Variants in PBX1 observed in about 807,000 individuals in gnomAD.
PBX1 encodes PBX homeobox 1.
Under a neutral mutation model 53.4 loss-of-function variants are expected in PBX1, and 6 were observed. The observed-to-expected ratio is 0.11, with a 90% CI of 0.06 to 0.22. PBX1 has a LOEUF of 0.22. Among genes scored for constraint, PBX1 ranks in the 10% least tolerant of loss-of-function variants. The pLI, the probability that PBX1 is intolerant of heterozygous loss-of-function variation, is 1.00. For synonymous variants in PBX1, 204 were observed against 212.3 expected, an observed-to-expected ratio of 0.96 and a Z score of 0.34; for missense variants, 251 against 551.4, an observed-to-expected ratio of 0.46 and a Z score of 5.46.
At chr1:164,812,715 T>C (rs1317493361) in intron 6 of PBX1, 1 of 152,242 alleles carries the variant, frequency 6.6e-6, no homozygotes, top group Non-Finnish European at 1.5e-5. Context: ...TGGTCTTCTT[T>C]ATGATTATCG....
chr1:164,818,609 C>T (rs1238739738), intron 6 of PBX1: 1 of 150,010 alleles, frequency 6.7e-6, no homozygotes, highest in African/African-American at 2.5e-5. Flanking sequence ...AAATGAACAT[C>T]CCACAGGACA....
chr1:164,651,123 A>G (rs1157637357), intron 2 of PBX1, among the ~76,000 whole-genome samples: 1 of 152,214 alleles, frequency 6.6e-6, no homozygotes, highest in Non-Finnish European at 1.5e-5. Context: ...TTAAACTGAT[A>G]AATGAAATTT....
chr1:164,745,937 A>G (rs1665867494), intron 2 of PBX1, among the ~76,000 whole-genome samples: 1 of 152,146 alleles, frequency 6.6e-6, no homozygotes, highest in African/African-American at 2.4e-5. Context: ...GATCGTTCCT[A>G]TTGGCCCCCT....
intron 8 of PBX1, chr1:164,828,991 A>C (rs1351270569): frequency 1.3e-5 from 2 of 152,230 alleles, no homozygotes; most frequent in East Asian, 3.8e-4. Context: ...TCACATCTCT[A>C]AATATGTTTC....
chr1:164,803,947 T>A (rs911644682), intron 4 of PBX1, among the ~76,000 whole-genome samples: 6 of 152,220 alleles, frequency 3.9e-5, no homozygotes, highest in African/African-American at 1.4e-4. Context: ...AATATTAGTA[T>A]AGTATCTGGC....
chr1:164,660,289 C>T (rs375826042), intron 2 of PBX1, among the ~76,000 whole-genome samples: 2 of 152,212 alleles, frequency 1.3e-5, no homozygotes, highest in East Asian at 3.9e-4. Context: ...GAATGGAGCC[C>T]TTTGGGGACC....
At chr1:164,648,096 T>A (rs1364354916) in intron 2 of PBX1, among the ~76,000 whole-genome samples, 1 of 152,048 alleles carries the variant, frequency 6.6e-6, no homozygotes, top group African/African-American at 2.4e-5. Flanking sequence ...ATTGCAGGCG[T>A]GAGCCACCGT....
intron 2 of PBX1, among the ~76,000 whole-genome samples, chr1:164,695,394 C>T (rs1662749413): frequency 6.6e-6 from 1 of 152,110 alleles, no homozygotes; most frequent in Non-Finnish European, 1.5e-5. Context: ...TACAAATATA[C>T]TGAGTTACCT....
chr1:164,821,557 T>A lies in PBX1; in HGVS notation c.1131T>A (p.Val377=). ...TTTAGGTGGATACCCTTCGCCATGT[T>A]ATCAGCCAGACAGGAGGATACAGTG... The part of the protein sequence containing the change: ...VQSQVDTLRH[V]ISQTGGYSDG... Residue 377 remains valine, a synonymous_variant, in exon 8 of 9, where the codon GTT becomes GTA. Transcript: ENST00000420696. 1.2e-6 allele frequency: 2 copies of A among 1,614,106 alleles called. No homozygotes were observed. Among genetic ancestry groups the A allele is most frequent in the Non-Finnish European group, 1.7e-6 (2 of 1,179,938 alleles).
At chr1:164,637,006 T>C (rs538634476) in intron 2 of PBX1, among the ~76,000 whole-genome samples, 1 of 152,264 alleles carries the variant, frequency 6.6e-6, no homozygotes, top group African/African-American at 2.4e-5. Flanking sequence ...TGTAGCTCAA[T>C]TTAAGAAACA....
chr1:164,736,017 A>G (rs2102151390), intron 2 of PBX1, among the ~76,000 whole-genome samples: 1 of 152,240 alleles, frequency 6.6e-6, no homozygotes, highest in South Asian at 2.1e-4. Flanking sequence ...CTCCATCTCC[A>G]GCAGAAACTG....
intron 2 of PBX1, among the ~76,000 whole-genome samples, chr1:164,753,293 A>G (rs1666327898): frequency 6.6e-6 from 1 of 152,238 alleles, no homozygotes; most frequent in Admixed American, 6.5e-5. Flanking sequence ...CTAAATTTAA[A>G]AAATAATTAT....
At chr1:164,583,082 C>CT (rs1459644344) in intron 2 of PBX1, among the ~76,000 whole-genome samples, 1 of 152,164 alleles carries the variant, frequency 6.6e-6, no homozygotes, top group Non-Finnish European at 1.5e-5. Flanking sequence ...TCAAAAGTCC[C>CT]TGTCCTTGAG....
chr1:164,564,426 A>T (rs1571226772), intron 2 of PBX1, among the ~76,000 whole-genome samples: 1 of 152,222 alleles, frequency 6.6e-6, no homozygotes, highest in African/African-American at 2.4e-5. Context: ...GAGAGGGCAC[A>T]CAGGGTGGCT....
intron 2 of PBX1, among the ~76,000 whole-genome samples, chr1:164,618,703 C>T (rs1657466284): frequency 6.6e-6 from 1 of 152,108 alleles, no homozygotes; most frequent in Admixed American, 6.5e-5. Flanking sequence ...ACGAAATAAA[C>T]ACATTAGGAA....
intron 2 of PBX1, among the ~76,000 whole-genome samples, chr1:164,662,448 T>G (rs1261821566): frequency 1.3e-5 from 2 of 152,222 alleles, no homozygotes; most frequent in African/African-American, 4.8e-5. Context: ...ACCTTGAAGC[T>G]GTGGGAAGCC....
At chr1:164,561,030 A>G (rs988972550) in intron 1 of PBX1, among the ~76,000 whole-genome samples, 6 of 152,234 alleles carry the variant, frequency 3.9e-5, no homozygotes, top group Admixed American at 1.3e-4. Flanking sequence ...AAAGTAAAAC[A>G]TAGACTAAGT....
intron 8 of PBX1, among the ~76,000 whole-genome samples, chr1:164,830,283 A>T (rs1466845180): frequency 1.3e-5 from 2 of 152,246 alleles, no homozygotes; most frequent in Non-Finnish European, 2.9e-5. Context: ...TGATAAAATC[A>T]CATGTAAATT....
At chr1:164,631,007 T>C (rs1658378664) in intron 2 of PBX1, 1 of 152,240 alleles carries the variant, frequency 6.6e-6, no homozygotes. Flanking sequence ...ATGGGCTGCA[T>C]CAGGAAGCCC....
Sources: gnomAD v4.1 joint callset for allele counts (sites outside exome capture counted in the v4.1 genomes callset) on GRCh38, gnomAD v4.1.1 for gene constraint, MANE v1.5 for transcripts, NCBI Gene and HGNC (gene_info 2026-07-23, HGNC 2026-07-21) for gene names.